RIMS2: variants seen among roughly 807,000 people sequenced by gnomAD.
The protein encoded by RIMS2 is regulating synaptic membrane exocytosis protein 2.
RIMS2 carries 59 observed loss-of-function variants against 174.4 expected under a neutral mutation model. The ratio of observed to expected loss-of-function variants is 0.34; its 90% CI spans 0.27 to 0.42. The LOEUF is 0.42. Ranked by LOEUF, RIMS2 falls within the 10% of genes least tolerant of loss-of-function variation. The pLI is 1.00. For missense variants in RIMS2, 1,620 were observed against 1,666.3 expected (o/e 0.97, Z 0.48); for synonymous variants, 606 against 572.5 (o/e 1.06, Z -0.84).
At chr8:103,845,729 G>C (rs958411403) in intron 3 of RIMS2, among the ~76,000 whole-genome samples, 1 of 152,118 alleles carries the variant, frequency 6.6e-6, no homozygotes, top group Admixed American at 6.6e-5. Context: ...CTTATGTGGG[G>C]TAAAGGTTGG....
intron 19 of RIMS2, among the ~76,000 whole-genome samples, chr8:104,195,484 T>C (rs2099019269): frequency 6.7e-6 from 1 of 150,330 alleles, no homozygotes; most frequent in Non-Finnish European, 1.5e-5. Context: ...TAAATAATAA[T>C]GAAGTGTAAG....
chr8:103,598,501 T>C (rs1415604672), intron 1 of RIMS2, among the ~76,000 whole-genome samples: 2 of 152,316 alleles, frequency 1.3e-5, no homozygotes, highest in East Asian at 3.9e-4. Context: ...CAGGAAAATA[T>C]GCACTAGGAG....
intron 4 of RIMS2, among the ~76,000 whole-genome samples, chr8:103,909,899 G>A (rs1010162752): frequency 2.0e-5 from 3 of 150,636 alleles, no homozygotes; most frequent in African/African-American, 7.3e-5. Context: ...ACTTTTGTAG[G>A]GTCTGTCTAG....
chr8:103,815,254 G>A (rs1028933759), intron 3 of RIMS2, among the ~76,000 whole-genome samples: 1 of 152,144 alleles, frequency 6.6e-6, no homozygotes, highest in African/African-American at 2.4e-5. Flanking sequence ...AACATGGTAT[G>A]AGACTGTGCG....
chr8:104,055,040 T>G (rs1387120251), intron 19 of RIMS2, among the ~76,000 whole-genome samples: 7 of 152,102 alleles, frequency 4.6e-5, no homozygotes, highest in Admixed American at 1.3e-4. Context: ...TATTTCACAC[T>G]TTCATTAAGG....
intron 3 of RIMS2, among the ~76,000 whole-genome samples, chr8:103,794,373 T>G (rs928186837): frequency 1.3e-5 from 2 of 152,190 alleles, no homozygotes; most frequent in Non-Finnish European, 2.9e-5. Flanking sequence ...GAAAACTGGC[T>G]AGCCACGTAT....
At chr8:104,182,864 T>G (rs1317115256) in intron 19 of RIMS2, among the ~76,000 whole-genome samples, 1 of 151,768 alleles carries the variant, frequency 6.6e-6, no homozygotes, top group East Asian at 1.9e-4. Context: ...AAGATCAAGT[T>G]ATATAATTTG....
At chr8:104,035,864 A>G (rs1597486016) in intron 19 of RIMS2, among the ~76,000 whole-genome samples, 1 of 152,062 alleles carries the variant, frequency 6.6e-6, no homozygotes, top group South Asian at 2.1e-4. Context: ...AATTGAAAAA[A>G]TTTATGTAAG....
intron 3 of RIMS2, among the ~76,000 whole-genome samples, chr8:103,778,393 A>T (rs185907278): frequency 1.6e-4 from 24 of 151,954 alleles, no homozygotes; most frequent in Non-Finnish European, 3.1e-4. Flanking sequence ...CCATTTATCA[A>T]CCTCCTTATG....
intron 19 of RIMS2, among the ~76,000 whole-genome samples, chr8:104,174,085 T>A (rs2098851135): frequency 6.6e-6 from 1 of 151,964 alleles, no homozygotes. Flanking sequence ...TAGTTGGGAT[T>A]ACAGGTGCCT....
At chr8:103,788,069 C>T (rs1177594604) in intron 3 of RIMS2, among the ~76,000 whole-genome samples, 107 of 150,524 alleles carry the variant, frequency 7.1e-4, no homozygotes, top group African/African-American at 2.6e-3. Flanking sequence ...GCATTGGCTC[C>T]TGAGGCTTCT....
intron 3 of RIMS2, among the ~76,000 whole-genome samples, chr8:103,813,358 C>T (rs2098700152): frequency 6.7e-6 from 1 of 148,404 alleles, no homozygotes; most frequent in Non-Finnish European, 1.5e-5. Context: ...ATTTATAAAC[C>T]AAGGTTCTTA....
chr8:104,048,452 A>G (rs549875728), intron 19 of RIMS2, among the ~76,000 whole-genome samples: 1 of 152,206 alleles, frequency 6.6e-6, no homozygotes, highest in African/African-American at 2.4e-5. Flanking sequence ...CCATGGTAAG[A>G]GTGTGATAAC....
At chr8:103,751,349 T>A (rs910327382) in intron 2 of RIMS2, among the ~76,000 whole-genome samples, 10 of 151,836 alleles carry the variant, frequency 6.6e-5, no homozygotes, top group African/African-American at 1.7e-4. Flanking sequence ...TCTATCATTG[T>A]TGGACATTTG....
chr8:103,513,881 G>A (rs1827748685), intron 1 of RIMS2, among the ~76,000 whole-genome samples: 1 of 152,064 alleles, frequency 6.6e-6, no homozygotes, highest in South Asian at 2.1e-4. Flanking sequence ...CAATATTGGG[G>A]TCTTTATTGA....
At chr8:103,732,821 TC>T (rs1456130401) in intron 2 of RIMS2, among the ~76,000 whole-genome samples, 1 of 152,080 alleles carries the variant, frequency 6.6e-6, no homozygotes, top group Non-Finnish European at 1.5e-5. Context: ...AAATCCTGAG[TC>T]TCTTCCTTCA....
At chr8:103,709,672 T>C (rs1419347035) in intron 2 of RIMS2, among the ~76,000 whole-genome samples, 1 of 151,614 alleles carries the variant, frequency 6.6e-6, no homozygotes, top group Non-Finnish European at 1.5e-5. Context: ...TTAGATATTC[T>C]TTTTTTTTCT....
intron 1 of RIMS2, among the ~76,000 whole-genome samples, chr8:103,520,040 A>G (rs1830880370): frequency 6.6e-6 from 1 of 152,098 alleles, no homozygotes; most frequent in Non-Finnish European, 1.5e-5. Context: ...TATATAAGGA[A>G]GGGCTTTGGC....
intron 3 of RIMS2, among the ~76,000 whole-genome samples, chr8:103,814,677 C>T (rs575527141): frequency 6.6e-6 from 1 of 152,140 alleles, no homozygotes; most frequent in Admixed American, 6.6e-5. Flanking sequence ...GAGTTCAAGA[C>T]TAGCCTGGGA....
Sources: allele counts gnomAD v4.1 joint callset (sites outside exome capture counted in the v4.1 genomes callset), GRCh38; gene constraint gnomAD v4.1.1; transcripts MANE v1.5; gene names NCBI Gene and HGNC (gene_info 2026-07-23, HGNC 2026-07-21).